Variants in LRRC69 observed in about 807,000 individuals in gnomAD.
LRRC69 encodes leucine-rich repeat-containing protein 69.
LRRC69 carries 42 observed loss-of-function variants against 37.8 expected under a neutral mutation model. That is an observed-to-expected ratio of 1.11 (90% confidence interval 0.87 to 1.44). LRRC69 has a LOEUF of 1.44. LRRC69 is among the 40% of genes most tolerant of loss of function. The pLI is 0.00. For missense variants in LRRC69, 357 were observed against 401.9 expected (o/e 0.89, Z 0.96); for synonymous variants, 141 against 143.1 (o/e 0.99, Z 0.11).
chr8:91,145,220 T>C (rs890925304), intron 5 of LRRC69, among the ~76,000 whole-genome samples: 2 of 151,914 alleles, frequency 1.3e-5, no homozygotes, highest in Non-Finnish European at 2.9e-5. Flanking sequence ...TGCAAGATGG[T>C]AGAAAATAGC....
intron 5 of LRRC69, among the ~76,000 whole-genome samples, chr8:91,164,183 A>C (rs1431433363): frequency 2.0e-5 from 3 of 151,640 alleles, no homozygotes; most frequent in Non-Finnish European, 4.4e-5. Context: ...CATATACAGA[A>C]AATCACATTG....
chr8:91,199,561 A>G (rs1384516759), intron 6 of LRRC69, among the ~76,000 whole-genome samples: 1 of 152,138 alleles, frequency 6.6e-6, no homozygotes, highest in Admixed American at 6.5e-5. Flanking sequence ...AATGCATGAA[A>G]GATTATGTGT....
At chr8:91,213,888 A>G (rs886629411) in intron 7 of LRRC69, among the ~76,000 whole-genome samples, 2 of 152,160 alleles carry the variant, frequency 1.3e-5, no homozygotes, top group African/African-American at 4.8e-5. Context: ...AGGAGGAGAC[A>G]TTATTAAAAA....
chr8:91,123,881 G>A (rs971302136), intron 1 of LRRC69, among the ~76,000 whole-genome samples: 3 of 151,972 alleles, frequency 2.0e-5, no homozygotes, highest in Admixed American at 6.6e-5. Context: ...TGACCAATCT[G>A]TTCTCTGTAG....
At chr8:91,150,780 T>C (rs944750134) in intron 5 of LRRC69, among the ~76,000 whole-genome samples, 1 of 152,022 alleles carries the variant, frequency 6.6e-6, no homozygotes, top group African/African-American at 2.4e-5. Context: ...ATTGGTCTAT[T>C]CAGAGATTCA....
chr8:91,195,453 C>T (rs1040407353), intron 6 of LRRC69, among the ~76,000 whole-genome samples: 1 of 151,844 alleles, frequency 6.6e-6, no homozygotes, highest in Non-Finnish European at 1.5e-5. Context: ...GTGTTAAAGT[C>T]TCCCATTATT....
At chr8:91,185,363 C>CTGTGTGTG (rs35797312) in intron 5 of LRRC69, among the ~76,000 whole-genome samples, 6 of 150,440 alleles carry the variant, frequency 4.0e-5, no homozygotes, top group African/African-American at 1.5e-4. Flanking sequence ...CTCTCTCTAT[C>CTGTGTGTG]TGTGTGTGTG....
intron 5 of LRRC69, among the ~76,000 whole-genome samples, chr8:91,146,683 T>C (rs1180889906): frequency 1.3e-5 from 2 of 151,792 alleles, no homozygotes; most frequent in African/African-American, 4.8e-5. Context: ...GATAGATTGA[T>C]GGGTGGGTAG....
intron 7 of LRRC69, among the ~76,000 whole-genome samples, chr8:91,207,337 G>C (rs1156321184): frequency 1.3e-5 from 2 of 152,188 alleles, no homozygotes; most frequent in South Asian, 2.1e-4. Flanking sequence ...TTAGTACAGT[G>C]GGTGTTCAAC....
At chr8:91,107,989 A>T (rs1209595232) in intron 1 of LRRC69, among the ~76,000 whole-genome samples, 2 of 152,120 alleles carry the variant, frequency 1.3e-5, no homozygotes, top group African/African-American at 4.8e-5. Context: ...AAACACACGT[A>T]GGAACAAAGG....
chr8:91,157,436 G>T, intron 5 of LRRC69: 1 of 1,606,446 alleles, frequency 6.2e-7, no homozygotes, highest in Non-Finnish European at 8.5e-7. Flanking sequence ...ATATTCACTG[G>T]GCTTATTGGG....
chr8:91,185,916 C>T (rs769903238), intron 5 of LRRC69, among the ~76,000 whole-genome samples: 2 of 152,160 alleles, frequency 1.3e-5, no homozygotes, highest in African/African-American at 2.4e-5. Context: ...TCTCAGCTTC[C>T]TCCCTCACCC....
chr8:91,150,429 T>G (rs1808711552), intron 5 of LRRC69, among the ~76,000 whole-genome samples: 1 of 152,034 alleles, frequency 6.6e-6, no homozygotes, highest in African/African-American at 2.4e-5. Context: ...ATCCCAGAGA[T>G]GAAGCCCATT....
At chr8:91,143,689 C>T (rs1808569057) in intron 5 of LRRC69, among the ~76,000 whole-genome samples, 1 of 151,908 alleles carries the variant, frequency 6.6e-6, no homozygotes, top group Non-Finnish European at 1.5e-5. Flanking sequence ...TCCGTTTCAT[C>T]AATGCCCCTT....
intron 5 of LRRC69, chr8:91,157,854 A>G: frequency 5.0e-6 from 8 of 1,604,828 alleles, no homozygotes; most frequent in Non-Finnish European, 6.8e-6. Flanking sequence ...TTACAAGAGC[A>G]GAATGTTTCA....
chr8:91,180,396 C>A (rs7839116), intron 5 of LRRC69, among the ~76,000 whole-genome samples: 3,171 of 152,266 alleles, frequency 0.021, 112 homozygotes, highest in African/African-American at 0.073. Context: ...TGGCAGCTGG[C>A]TTCCCCCAGA....
At chr8:91,166,829 T>C (rs1410910643) in intron 5 of LRRC69, among the ~76,000 whole-genome samples, 5 of 151,890 alleles carry the variant, frequency 3.3e-5, no homozygotes, top group Non-Finnish European at 7.4e-5. Flanking sequence ...ACAAGATTTA[T>C]GCCTCCACAG....
At chr8:91,136,777 G>A (rs930861710) in intron 5 of LRRC69, among the ~76,000 whole-genome samples, 1 of 151,878 alleles carries the variant, frequency 6.6e-6, no homozygotes, top group African/African-American at 2.4e-5. Flanking sequence ...ACTACTCTAG[G>A]TACTCTAGGT....
At position 91,205,283 on chromosome 8, in the gene LRRC69, C is replaced by T. The variant is rs184221538; in HGVS notation, c.933+4491C>T. ...AGGTTATTTTAGCTATACTAACCCACGCTTAGGACATGGAGGCTCACGTTA... is the reference window on the plus strand; with the variant it reads ...AGGTTATTTTAGCTATACTAACCCATGCTTAGGACATGGAGGCTCACGTTA... On this transcript the variant is annotated intron_variant, in intron 7 of 7. Coordinates refer to ENST00000448384, the Ensembl canonical transcript of LRRC69. 8.3e-4 allele frequency among the ~76,000 whole-genome samples: 127 copies of T among 152,198 alleles called. 1 individual carries two copies. Among genetic ancestry groups the T allele is most frequent in the Admixed American group, 2.0e-3 (30 of 15,290 alleles).
Sources: allele counts gnomAD v4.1 joint callset (sites outside exome capture counted in the v4.1 genomes callset), GRCh38; gene constraint gnomAD v4.1.1; transcripts MANE v1.5; gene names NCBI Gene and HGNC (gene_info 2026-07-23, HGNC 2026-07-21).